Variants in MAPKBP1 observed in about 807,000 individuals in gnomAD.
The protein encoded by MAPKBP1 is mitogen-activated protein kinase binding protein 1.
In MAPKBP1, 71 loss-of-function variants were observed where a neutral mutation model predicts 170.5. The observed-to-expected ratio is 0.42, with a 90% CI of 0.34 to 0.51. The LOEUF (loss-of-function observed/expected upper bound fraction) is 0.51, where lower values mean the gene tolerates loss of function less well. MAPKBP1 is among the 20% of genes least tolerant of loss of function. MAPKBP1 has a pLI of 0.06. For synonymous variants in MAPKBP1, 719 were observed against 757.9 expected, an observed-to-expected ratio of 0.95 and a Z score of 0.84; for missense variants, 1,598 against 1,933.0, an observed-to-expected ratio of 0.83 and a Z score of 3.25.
Position 41,786,777 on chromosome 15 carries a change from AATAT to A in MAPKBP1, c.114+11412_114+11415del, listed in dbSNP as rs1180590172. ...CAGACTCCGTCTAAAAAAAAAAAAA[AATAT>A]ATATATATATATATATATATATAGG... On this transcript the variant is annotated intron_variant, in intron 2 of 30. Coordinates refer to ENST00000457542, the MANE Select transcript of MAPKBP1 (RefSeq NM_014994.3). Among the ~76,000 whole-genome samples, 226 of 32,416 alleles carry A rather than the reference AATAT, an allele frequency of 7.0e-3. 13 individuals carry two copies. The highest frequency in any genetic ancestry group is 0.017 in the South Asian group (17 of 998). The allele number at this position is 32,416 out of a possible 152,430, so 21.3% of individuals were successfully genotyped here.
chr15:41,813,429 C>T, intron 8 of MAPKBP1, 192 bp from the exon 9 acceptor site: 3 of 1,464,984 alleles, frequency 2.0e-6, no homozygotes, highest in African/African-American at 1.4e-5. Flanking sequence ...TCCTCTGGTG[C>T]CTAGAAGAAT....
At position 41,817,765 on chromosome 15, in the gene MAPKBP1, C is replaced by T; in HGVS notation, c.1904+30C>T. On this transcript the variant is annotated intron_variant, in intron 16 of 30. Transcript: ENST00000457542. The surrounding 1 kb of genome is among the most constrained non-coding windows in gnomAD (Gnocchi z 4.2). ...GCGTCCCCTCCTCAGACTCTGCCCA[C>T]ATTCCTTCATCTCCCTACGGGGTCA... 1 of 1,606,196 alleles carries T rather than the reference C, an allele frequency of 6.2e-7. No individual in the cohort carries two copies. Among genetic ancestry groups the T allele is most frequent in the Admixed American group, 1.7e-5 (1 of 58,428 alleles).
intron 2 of MAPKBP1, among the ~76,000 whole-genome samples, chr15:41,786,479 G>A (rs934839169): frequency 6.6e-6 from 1 of 151,658 alleles, no homozygotes; most frequent in Non-Finnish European, 1.5e-5. Flanking sequence ...AATATATCTG[G>A]TATAGCCGGG....
intron 21 of MAPKBP1, 38 bp from the exon 22 acceptor site, chr15:41,819,557 G>GGGGGGGGCCCC: frequency 7.2e-7 from 1 of 1,384,664 alleles, no homozygotes. Flanking sequence ...CGGGGGGGGG[G>GGGGGGGGCCCC]CAGGAGACAC....
chr15:41,822,086 T>G lies in MAPKBP1; in HGVS notation c.3007T>G (p.Ser1003Ala). 3 of 1,500,100 alleles carry G rather than the reference T, an allele frequency of 2.0e-6. No homozygotes were observed. Among genetic ancestry groups the G allele is most frequent in the Non-Finnish European group, 2.7e-6 (3 of 1,112,202 alleles). 92.9% of individuals were successfully genotyped at this position (1,500,100 alleles called of 1,614,324 possible). The change falls in exon 25 of 31, where the codon TCC (serine) becomes GCC (alanine). Residue 1003 changes from serine to alanine, a missense_variant. By Grantham distance (99) the Ser-to-Ala change is moderately conservative. Coordinates refer to ENST00000457542, the MANE Select transcript of MAPKBP1 (RefSeq NM_014994.3). ...CSVDYSSSCL[S>A]SPEHPTEDSE... Reference sequence around the variant, plus strand: ...TGTGGATTACAGCAGCAGCTGCCTTTCCAGCCCGGAGCACCCCACTGAAGG... The same window carrying G: ...TGTGGATTACAGCAGCAGCTGCCTTGCCAGCCCGGAGCACCCCACTGAAGG...
chr15:41,795,731 C>G (rs1412893718), intron 2 of MAPKBP1, among the ~76,000 whole-genome samples: 8 of 152,294 alleles, frequency 5.3e-5, no homozygotes, highest in Admixed American at 5.2e-4. Flanking sequence ...CTCAGCCTCC[C>G]CAGCAGCTGG....
Position 41,824,607 on chromosome 15 carries a change from G to A in MAPKBP1, c.4299+38G>A, listed in dbSNP as rs548093916. The A allele has an allele frequency of 4.1e-5, 63 of 1,534,614 alleles. No individual in the cohort carries two copies. In the South Asian group the frequency reaches 4.4e-4, roughly 11 times the overall value. ...TGCCCCCCGGCAGGAAGGCGGGCAC[G>A]TCAGTAGTGCTGGGTGTTTCGGATA... On this transcript the variant is annotated intron_variant, in intron 30 of 30. Transcript: ENST00000457542.
In MAPKBP1 at chr15:41,812,675, T is replaced by C. The variant is rs752008076; in HGVS notation, c.636+22T>C. 3.8e-6 allele frequency: 6 copies of C among 1,571,862 alleles called. No homozygotes were observed. In the South Asian group the frequency reaches 4.8e-5, roughly 13 times the overall value. On this transcript the variant is annotated intron_variant, in intron 7 of 30. Coordinates refer to ENST00000457542, the MANE Select transcript of MAPKBP1 (RefSeq NM_014994.3). ...AAAGGTGAGGTGCTGAAGCTGGGAG[T>C]AGCCACCAAGGCCCCTGGCAGGGCC... is the stretch of plus-strand genomic sequence containing the variant.
Position 41,815,281 on chromosome 15 carries a change from G to A in MAPKBP1, c.1193G>A (p.Ser398Asn), listed in dbSNP as rs1314574868. 1.9e-6 allele frequency: 3 copies of A among 1,614,226 alleles called. No homozygotes were observed. The highest frequency in any genetic ancestry group is 2.5e-6 in the Non-Finnish European group (3 of 1,180,046). The change falls in exon 11 of 31, where the codon AGT becomes AAT. Residue 398 changes from serine to asparagine, a missense_variant. Ser to Asn is a conservative substitution (Grantham distance 46). Around this residue, in one of 6 missense-constraint regions of MAPKBP1, gnomAD observed 430 missense variants for 617.2 expected, o/e 0.70. Coordinates refer to ENST00000457542, the MANE Select transcript of MAPKBP1 (RefSeq NM_014994.3). The stretch of plus-strand genomic sequence containing the variant: ...CAGGTCTACCCCGAGGTGAAGGATA[G>A]TAACCAGGCCTGCCTGCCCCCCAGT... ...SVEVYPEVKD[S>N]NQACLPPSSF...
chr15:41,819,660 C>T lies in MAPKBP1; in HGVS notation c.2481+10C>T, dbSNP rs375781543. ...CTGGGAGATGAGTCGGGTGAGTCGC[C>T]ATTGTTAAAATGTTCTTCCAAGGTT... On this transcript the variant is annotated intron_variant, in intron 22 of 30. Coordinates refer to ENST00000457542, the MANE Select transcript of MAPKBP1 (RefSeq NM_014994.3). 5.7e-5 allele frequency: 91 copies of T among 1,607,154 alleles called. No homozygotes were observed. In the African/African-American group the frequency reaches 1.1e-3, roughly 20 times the overall value.
chr15:41,781,412 T>G (rs2064186157), intron 2 of MAPKBP1, among the ~76,000 whole-genome samples: 1 of 151,358 alleles, frequency 6.6e-6, no homozygotes, highest in South Asian at 2.1e-4. Context: ...TTTTTTTTTT[T>G]CTTGCTGGGA....
At chr15:41,810,405 A>G (rs2064781537) in intron 3 of MAPKBP1, among the ~76,000 whole-genome samples, 1 of 152,068 alleles carries the variant, frequency 6.6e-6, no homozygotes, top group South Asian at 2.1e-4. Context: ...GAAAAGGAGC[A>G]AGAACAGGTT....
At chr15:41,794,341 G>A (rs1369457651) in intron 2 of MAPKBP1, among the ~76,000 whole-genome samples, 2 of 152,162 alleles carry the variant, frequency 1.3e-5, no homozygotes, top group East Asian at 3.8e-4. Context: ...AGAGAAGTGG[G>A]GATGTGAGTT....
rs1018872423 is a variant in MAPKBP1, at chr15:41,818,939, G to GGGC, written c.2274_2276dup (p.Ala759dup). 3.7e-6 allele frequency: 6 copies of GGGC among 1,614,036 alleles called. No individual in the cohort carries two copies. The African/African-American group carries it at 8.0e-5, about 22-fold the overall frequency. Reference sequence around the variant, plus strand: ...CAGCAAGGACCATCCTCTCCCCAAAGGGCTTCTGGACCCAACCGGTGAGAA... The same window carrying GGGC: ...CAGCAAGGACCATCCTCTCCCCAAAGGGCGGCTTCTGGACCCAACCGGTGAGAA... On this transcript the variant is annotated inframe_insertion, in exon 20 of 31. Coordinates refer to ENST00000457542, the MANE Select transcript of MAPKBP1 (RefSeq NM_014994.3). The surrounding 1 kb of genome is among the most constrained non-coding windows in gnomAD (Gnocchi z 5.2).
At chr15:41,799,122 C>T (rs777470357) in intron 2 of MAPKBP1, among the ~76,000 whole-genome samples, 18 of 152,030 alleles carry the variant, frequency 1.2e-4, no homozygotes, top group Non-Finnish European at 1.6e-4. Context: ...GAGTGTCTCC[C>T]GTGGCCGTGT....
chr15:41,782,155 G>A (rs970658085), intron 2 of MAPKBP1, among the ~76,000 whole-genome samples: 10 of 149,808 alleles, frequency 6.7e-5, no homozygotes, highest in Non-Finnish European at 1.3e-4. Flanking sequence ...CCAGCTACTC[G>A]CGAGGCTGAG....
At chr15:41,815,445 G>C in intron 11 of MAPKBP1, 40 bp downstream of exon 11, 1 of 1,608,798 alleles carries the variant, frequency 6.2e-7, no homozygotes, top group Non-Finnish European at 8.5e-7. Context: ...CACCCTCAGT[G>C]CCCCCATCCC....
In MAPKBP1 at chr15:41,821,769, C is replaced by T; in HGVS notation, c.2885+19C>T. ...ATACCAGGCAAGGATCCTGCCCTAG[C>T]CAGACCCCGTGCCCCCGTCTTCCCC... is the stretch of plus-strand genomic sequence containing the variant. On this transcript the variant is annotated intron_variant, in intron 24 of 30. Coordinates refer to ENST00000457542, the MANE Select transcript of MAPKBP1 (RefSeq NM_014994.3). 1 of 1,612,968 alleles carries T rather than the reference C, an allele frequency of 6.2e-7. No homozygotes were observed. Among genetic ancestry groups the T allele is most frequent in the Non-Finnish European group, 8.5e-7 (1 of 1,179,770 alleles).
intron 3 of MAPKBP1, among the ~76,000 whole-genome samples, chr15:41,808,330 C>T (rs1237263065): frequency 6.6e-6 from 1 of 151,290 alleles, no homozygotes; most frequent in Non-Finnish European, 1.5e-5. Context: ...TGGTCTCGAT[C>T]TCCTGACCTC....
Sources: gnomAD v4.1 joint callset for allele counts (sites outside exome capture counted in the v4.1 genomes callset) on GRCh38, gnomAD v4.1.1 for gene constraint, gnomAD v4.1.1 regional missense constraint, Gnocchi (gnomAD v3.1) non-coding constraint, MANE v1.5 for transcripts, NCBI Gene and HGNC (gene_info 2026-07-23, HGNC 2026-07-21) for gene names.